GET1: variants seen among roughly 807,000 people sequenced by gnomAD.
GET1 encodes congenital heart disease 5 protein.
A neutral mutation model predicts 22.6 loss-of-function variants in GET1; 20 were observed. The ratio of observed to expected loss-of-function variants is 0.89; its 90% CI spans 0.62 to 1.29. The LOEUF is 1.29. GET1 is among the 50% of genes most tolerant of loss of function. GET1 has a pLI of 0.00. For missense variants in GET1, 209 were observed against 219.9 expected, an observed-to-expected ratio of 0.95 and a Z score of 0.31; for synonymous variants, 92 against 83.8, an observed-to-expected ratio of 1.10 and a Z score of -0.53.
rs760934554 is a variant in GET1 at position 39,380,454 on chromosome 21, C to G, written c.70C>G (p.Leu24Val). The G allele has an allele frequency of 6.2e-7, 1 of 1,613,210 alleles. No individual in the cohort carries two copies. Among genetic ancestry groups the G allele is most frequent in the Non-Finnish European group, 8.5e-7 (1 of 1,179,712 alleles). The change falls in exon 1 of 5, where the codon CTT becomes GTT. Residue 24 changes from leucine (L) to valine (V), a missense_variant. Physicochemically the swap from Leu to Val is conservative, Grantham distance 32. Coordinates refer to ENST00000649170, the MANE Select transcript of GET1 (RefSeq NM_004627.6). ...VLSFVFGCNV[L>V]RILLPSFSSF... ...CAGCTTCGTGTTTGGATGCAATGTT[C>G]TTAGGATCCTCCTCCCGTCCTTCTC...
downstream of GET1, among the ~76,000 whole-genome samples, chr21:39,400,023 A>G (rs1257455024): frequency 6.6e-6 from 1 of 151,610 alleles, no homozygotes; most frequent in African/African-American, 2.4e-5. Flanking sequence ...TGCCCAGCCC[A>G]TAATCAATTT....
At chr21:39,407,100 G>C (rs2039197587), downstream of GET1, among the ~76,000 whole-genome samples, 1 of 152,154 alleles carries the variant, frequency 6.6e-6, no homozygotes, top group Non-Finnish European at 1.5e-5. Context: ...GGTGGTGTCT[G>C]CCTGTAGTCT....
rs745570499 is a variant in GET1 at position 39,420,729 on chromosome 21, T to C, written c.*24-7503T>C. 3.1e-6 allele frequency: 5 copies of C among 1,612,524 alleles called. No homozygotes were observed. The South Asian group carries it at 4.4e-5, about 14-fold the overall frequency. On this transcript the variant is annotated intron_variant, in intron 1 of 1. Transcript: ENST00000478273. ...ACCTTAAGTTTTTGTTGAAGGTGTT[T>C]TACTTCCACCTGCAGAGTCTTGGTA...
At chr21:39,402,220 C>T (rs2038857726), downstream of GET1, among the ~76,000 whole-genome samples, 1 of 152,158 alleles carries the variant, frequency 6.6e-6, no homozygotes, top group South Asian at 2.1e-4. Context: ...TCTCCTGCCT[C>T]AGCCTCCCGA....
exon 5 of GET1, chr21:39,406,460 C>T: frequency 6.2e-7 from 1 of 1,614,008 alleles, no homozygotes; most frequent in African/African-American, 1.3e-5. Context: ...CTTTCTCTTT[C>T]AGGATGAATA....
At chr21:39,410,271 GTC>G, downstream of GET1, 3 of 1,594,556 alleles carry the variant, frequency 1.9e-6, no homozygotes, top group Middle Eastern at 1.7e-4. Flanking sequence ...TACCTTAGTT[GTC>G]AAAGGTGGAA....
At chr21:39,415,343 C>T (rs1237658138) in intron 1 of GET1, among the ~76,000 whole-genome samples, 1 of 151,938 alleles carries the variant, frequency 6.6e-6, no homozygotes, top group Admixed American at 6.6e-5. Context: ...AGCATTTTTC[C>T]CTTTGAAACT....
intron 1 of GET1, among the ~76,000 whole-genome samples, chr21:39,384,598 G>GTTTTTTTTTTT: frequency 6.6e-6 from 1 of 150,664 alleles, no homozygotes; most frequent in African/African-American, 2.4e-5. Flanking sequence ...TAAGTTCAGG[G>GTTTTTTTTTTT]ATACATGTGC....
chr21:39,401,172 G>C (rs1239745720), downstream of GET1, among the ~76,000 whole-genome samples: 1 of 152,030 alleles, frequency 6.6e-6, no homozygotes. Context: ...GCCTCAGCCT[G>C]CTAAGTAGGT....
At chr21:39,386,809 G>A (rs912079044) in intron 1 of GET1, among the ~76,000 whole-genome samples, 1 of 151,850 alleles carries the variant, frequency 6.6e-6, no homozygotes, top group Non-Finnish European at 1.5e-5. Flanking sequence ...GTGGGTCTTG[G>A]ATTAACATTG....
chr21:39,389,455 T>C (rs1300942659), intron 1 of GET1, among the ~76,000 whole-genome samples: 2 of 152,172 alleles, frequency 1.3e-5, no homozygotes, highest in African/African-American at 4.8e-5. Context: ...GAGGCATCTT[T>C]CTAAGTGTCT....
intron 1 of GET1, among the ~76,000 whole-genome samples, chr21:39,419,529 A>AAAAAAAG (rs1200745871): frequency 6.8e-6 from 1 of 147,276 alleles, no homozygotes; most frequent in Non-Finnish European, 1.5e-5. Flanking sequence ...TGTTCAAAAA[A>AAAAAAAG]AAAAAAGAAA....
At chr21:39,420,727 T>A (rs1428428781) in intron 1 of GET1, 2 of 1,612,414 alleles carry the variant, frequency 1.2e-6, no homozygotes, top group Non-Finnish European at 1.7e-6. Context: ...GTTGAAGGTG[T>A]TTTACTTCCA....
At chr21:39,402,855 AAT>A (rs1320217851), downstream of GET1, among the ~76,000 whole-genome samples, 14 of 71,514 alleles carry the variant, frequency 2.0e-4, no homozygotes, top group African/African-American at 7.3e-4. Context: ...CCAATCTCAT[AAT>A]ACTCAGAGAT....
chr21:39,414,736 CTCTCTCTGTGTGTGTGTG>C (rs1468795674), intron 1 of GET1, among the ~76,000 whole-genome samples: 103 of 92,282 alleles, frequency 1.1e-3, no homozygotes, highest in African/African-American at 3.9e-3. Flanking sequence ...CTCTCTCTCT[CTCTCTCTGTGTGTGTGTG>C]TGTGTGTGTG....
At chr21:39,419,865 T>C (rs2041986569) in intron 1 of GET1, among the ~76,000 whole-genome samples, 1 of 152,188 alleles carries the variant, frequency 6.6e-6, no homozygotes, top group South Asian at 2.1e-4. Flanking sequence ...GGCAGAAAGA[T>C]AGCAAAAAGC....
At chr21:39,426,893 T>C (rs893125800) in intron 1 of GET1, among the ~76,000 whole-genome samples, 12 of 152,324 alleles carry the variant, frequency 7.9e-5, no homozygotes, top group African/African-American at 2.4e-4. Flanking sequence ...ATTTAACCTT[T>C]TGAGACTCTG....
intron 1 of GET1, among the ~76,000 whole-genome samples, chr21:39,421,001 C>T (rs988154458): frequency 8.6e-5 from 13 of 151,980 alleles, no homozygotes; most frequent in African/African-American, 2.2e-4. Context: ...GAAGTATAAC[C>T]GAAAGAAAGA....
At chr21:39,399,991 G>C (rs190763602), downstream of GET1, among the ~76,000 whole-genome samples, 4 of 151,734 alleles carry the variant, frequency 2.6e-5, 1 homozygote, top group East Asian at 7.7e-4. Context: ...TCAAGTGCTG[G>C]GATTACAGGT....
Sources: gnomAD v4.1 joint callset for allele counts (sites outside exome capture counted in the v4.1 genomes callset) on GRCh38, gnomAD v4.1.1 for gene constraint, MANE v1.5 for transcripts, NCBI Gene and HGNC (gene_info 2026-07-23, HGNC 2026-07-21) for gene names.